Variants in KCNAB2 observed in about 807,000 individuals in gnomAD.
KCNAB2 encodes the protein potassium voltage-gated channel subfamily A regulatory beta subunit 2.
A neutral mutation model predicts 63.6 loss-of-function variants in KCNAB2; 29 were observed. The observed-to-expected ratio is 0.46, with a 90% CI of 0.34 to 0.62. KCNAB2 has a LOEUF of 0.62. Among genes scored for constraint, KCNAB2 ranks in the 20% least tolerant of loss-of-function variants. KCNAB2 has a pLI of 0.01. For missense variants in KCNAB2, 359 were observed against 563.9 expected, an observed-to-expected ratio of 0.64 and a Z score of 3.68; for synonymous variants, 222 against 224.2, an observed-to-expected ratio of 0.99 and a Z score of 0.09.
In KCNAB2 at chr1:6,058,307, G is replaced by A. The variant is rs576414645; in HGVS notation, c.218+6553G>A. ...GAATTAGGATCTCAACTGTCTTTTG[G>A]GGACACATTTCGACCTGCCACAGGC... On this transcript the variant is annotated intron_variant, in intron 2 of 15. Transcript: ENST00000378083. 2.0e-5 allele frequency among the ~76,000 whole-genome samples: 3 copies of A among 152,276 alleles called. No individual in the cohort carries two copies. In the South Asian group the frequency reaches 6.2e-4, roughly 32 times the overall value.
chr1:6,095,270 C>T (rs1455732098), intron 11 of KCNAB2, 53 bp from the exon 12 acceptor site: 2 of 1,548,246 alleles, frequency 1.3e-6, no homozygotes, highest in East Asian at 2.4e-5. Flanking sequence ...GCCCCGGCAG[C>T]CTCCCGCCTG....
chr1:6,001,557 C>A (rs1657262870), intron 1 of KCNAB2, among the ~76,000 whole-genome samples: 3 of 152,146 alleles, frequency 2.0e-5, no homozygotes, highest in African/African-American at 7.2e-5. Context: ...TGGCTGAGCC[C>A]CGTGATACAC....
At chr1:6,079,374 G>C (rs1301271095) in intron 4 of KCNAB2, among the ~76,000 whole-genome samples, 1 of 152,176 alleles carries the variant, frequency 6.6e-6, no homozygotes, top group Non-Finnish European at 1.5e-5. Context: ...AGAAAAATCA[G>C]CTGGGCTTGG....
At position 6,073,606 on chromosome 1, in the gene KCNAB2, G is replaced by A. The variant is rs1381560386; in HGVS notation, c.263-127G>A. 18 of 832,438 alleles carry A rather than the reference G, an allele frequency of 2.2e-5. No individual in the cohort carries two copies. Among genetic ancestry groups the A allele is most frequent in the Non-Finnish European group, 3.7e-5 (18 of 482,060 alleles). The allele number at this position is 832,438 out of a possible 1,614,324, so 51.6% of individuals were successfully genotyped here. ...GTCCACACACACTAAGGACACCCTGGCCACAGAGCAGCACAGAGGGACACC... is the reference window on the plus strand; with the variant it reads ...GTCCACACACACTAAGGACACCCTGACCACAGAGCAGCACAGAGGGACACC... On this transcript the variant is annotated intron_variant, in intron 3 of 15. Coordinates refer to ENST00000378083, the MANE Select transcript of KCNAB2 (RefSeq NM_001199862.2). The surrounding 1 kb of genome is among the most constrained non-coding windows in gnomAD (Gnocchi z 5.7).
At chr1:6,088,128 CAGCTCACTGT>C (rs1228430126) in intron 7 of KCNAB2, among the ~76,000 whole-genome samples, 1 of 152,084 alleles carries the variant, frequency 6.6e-6, no homozygotes, top group African/African-American at 2.4e-5. Context: ...GCCACAATCA[CAGCTCACTGT>C]AGCTTCAAAC....
rs1012008976 is a variant in KCNAB2, at chr1:6,071,830, A to T, written c.219-925A>T. On this transcript the variant is annotated intron_variant, in intron 2 of 15. Transcript: ENST00000378083. The surrounding 1 kb of genome is among the most constrained non-coding windows in gnomAD (Gnocchi z 8.5). ...CTGCCGCGAGGGCACCTCCTGCCGC[A>T]TAGGGCACCTCCTGCCGCGAGGGCA... is the stretch of plus-strand genomic sequence containing the variant. Among the ~76,000 whole-genome samples, 1 of 143,426 alleles carries T rather than the reference A, an allele frequency of 7.0e-6. No individual in the cohort carries two copies. Among genetic ancestry groups the T allele is most frequent in the African/African-American group, 2.6e-5 (1 of 38,082 alleles). The allele number at this position is 143,426 out of a possible 152,430, so 94.1% of individuals were successfully genotyped here. A position where few individuals can be genotyped will look rare whatever the true frequency, so the allele number is the denominator to read the frequency against.
At chr1:6,088,007 G>A (rs1451070847) in intron 7 of KCNAB2, among the ~76,000 whole-genome samples, 1 of 151,918 alleles carries the variant, frequency 6.6e-6, no homozygotes, top group Non-Finnish European at 1.5e-5. Context: ...TGGGCTCATA[G>A]GAATTATAAC....
At chr1:6,083,324 T>G (rs1571064884) in intron 5 of KCNAB2, among the ~76,000 whole-genome samples, 1 of 152,304 alleles carries the variant, frequency 6.6e-6, no homozygotes, top group South Asian at 2.1e-4. Context: ...TGGCCTGGGT[T>G]ATGCTGCCCT....
At position 6,100,642 on chromosome 1, in the gene KCNAB2, G is replaced by C. The variant is rs1665970541; in HGVS notation, c.*2068G>C. 6.6e-6 allele frequency: 1 copy of C among 152,342 alleles called. No homozygotes were observed. The highest frequency in any genetic ancestry group is 1.5e-5 in the Non-Finnish European group (1 of 68,122). The allele number at this position is 152,342 out of a possible 1,614,324, so 9.4% of individuals were successfully genotyped here. A position where few individuals can be genotyped will look rare whatever the true frequency, so the allele number is the denominator to read the frequency against. On this transcript the variant is annotated 3_prime_UTR_variant, in exon 16 of 16. Transcript: ENST00000378083. ...ACCTGGGGCAGCTGAGCCCCCAAAGGCTGCGGGTTTGCCAAACACAGAGAG... is the reference window on the plus strand; with the variant it reads ...ACCTGGGGCAGCTGAGCCCCCAAAGCCTGCGGGTTTGCCAAACACAGAGAG...
intron 2 of KCNAB2, among the ~76,000 whole-genome samples, chr1:6,052,421 A>G (rs1018394776): frequency 1.4e-5 from 2 of 144,298 alleles, no homozygotes; most frequent in African/African-American, 5.4e-5. Context: ...GCGAGACTCC[A>G]TTGCGCAAAA....
chr1:6,078,509 T>C lies in KCNAB2; in HGVS notation c.301-3686T>C, dbSNP rs148889500. ...AGCGAGCAAGGACGCCACGTGGTGG[T>C]CCAGAGAAAGAGCCTTCGGGGGCCA... On this transcript the variant is annotated intron_variant, in intron 4 of 15. Coordinates refer to ENST00000378083, the MANE Select transcript of KCNAB2 (RefSeq NM_001199862.2). The surrounding 1 kb of genome is among the most constrained non-coding windows in gnomAD (Gnocchi z 4.2). 3.9e-3 allele frequency among the ~76,000 whole-genome samples: 588 copies of C among 151,790 alleles called. 3 individuals are homozygous for C. The highest frequency in any genetic ancestry group is 0.019 in the South Asian group (91 of 4,780).
At chr1:6,027,239 TG>T in intron 1 of KCNAB2, 1 of 97,696 alleles carries the variant, frequency 1.0e-5, no homozygotes, top group Non-Finnish European at 2.2e-5. Flanking sequence ...TGTGTGTGTG[TG>T]TGTGTGTGTG....
Position 6,097,292 on chromosome 1 carries a change from G to A in KCNAB2, c.1093G>A (p.Val365Ile). ...AIAWCLRNEG[V>I]SSVLLGASNA... ...AGCCTGGTGCCTGAGGAATGAGGGA[G>A]TCAGCTCCGTGCTCCTGGGGGCCTC... is the stretch of plus-strand genomic sequence containing the variant. Residue 365 changes from valine (V) to isoleucine (I), a missense_variant, in exon 15 of 16, where the codon GTC becomes ATC. Val to Ile is a conservative substitution (Grantham distance 29). Transcript: ENST00000378083. 1 of 1,550,576 alleles carries A rather than the reference G, an allele frequency of 6.4e-7. No individual in the cohort carries two copies. Among genetic ancestry groups the A allele is most frequent in the Non-Finnish European group, 8.7e-7 (1 of 1,146,324 alleles).
intron 5 of KCNAB2, among the ~76,000 whole-genome samples, chr1:6,083,543 G>A (rs764932779): frequency 6.6e-6 from 1 of 152,230 alleles, no homozygotes; most frequent in African/African-American, 2.4e-5. Context: ...AGACCGGGGA[G>A]TCAGGGAGCA....
At chr1:6,030,684 TTG>T (rs754487894), upstream of KCNAB2, among the ~76,000 whole-genome samples, 3 of 146,622 alleles carry the variant, frequency 2.0e-5, no homozygotes, top group Non-Finnish European at 3.0e-5. Flanking sequence ...GTATGTGTGT[TTG>T]TGTGTATGTG....
chr1:6,038,242 G>T (rs929591277), intron 1 of KCNAB2, among the ~76,000 whole-genome samples: 10 of 151,918 alleles, frequency 6.6e-5, no homozygotes, highest in African/African-American at 2.4e-4. Flanking sequence ...TTCCTCTGAG[G>T]TTAGCATAGT....
At chr1:6,054,956 C>T (rs911832618) in intron 2 of KCNAB2, among the ~76,000 whole-genome samples, 1 of 152,092 alleles carries the variant, frequency 6.6e-6, no homozygotes, top group Admixed American at 6.6e-5. Flanking sequence ...TTGGGGTTTT[C>T]CTTTTGACTT....
chr1:6,000,587 C>T (rs34522455), intron 1 of KCNAB2, among the ~76,000 whole-genome samples: 17,653 of 151,448 alleles, frequency 0.12, 1,265 homozygotes, highest in Non-Finnish European at 0.16. Flanking sequence ...GAGTGAACCC[C>T]ACCCCCCGCC....
rs1486463556 is a variant in KCNAB2, at chr1:6,074,289, G to A, written c.300+519G>A. 6.6e-6 allele frequency among the ~76,000 whole-genome samples: 1 copy of A among 152,204 alleles called. No homozygotes were observed. Among genetic ancestry groups the A allele is most frequent in the African/African-American group, 2.4e-5 (1 of 41,454 alleles). Reference sequence around the variant, plus strand: ...CGAACCGTGCGGATCGCAGTCAGATGTATTTGCTGGGGCTCATGTCCCCAC... The same window carrying A: ...CGAACCGTGCGGATCGCAGTCAGATATATTTGCTGGGGCTCATGTCCCCAC... On this transcript the variant is annotated intron_variant, in intron 4 of 15. Transcript: ENST00000378083. This position sits in a 1 kb window ranked among gnomAD's most constrained non-coding sequence, Gnocchi z 4.9.
Sources: allele counts gnomAD v4.1 joint callset (sites outside exome capture counted in the v4.1 genomes callset), GRCh38; gene constraint gnomAD v4.1.1; non-coding constraint Gnocchi (gnomAD v3.1); transcripts MANE v1.5; gene names NCBI Gene and HGNC (gene_info 2026-07-23, HGNC 2026-07-21).